Variants in TCF7L2 observed in about 807,000 individuals in gnomAD.
TCF7L2 encodes transcription factor 7-like 2.
TCF7L2 carries 23 observed loss-of-function variants against 77.9 expected under a neutral mutation model. The ratio of observed to expected loss-of-function variants is 0.30; its 90% CI spans 0.21 to 0.42. The LOEUF (loss-of-function observed/expected upper bound fraction) is 0.42, where lower values mean the gene tolerates loss of function less well. TCF7L2 is among the 10% of genes least tolerant of loss of function. TCF7L2 has a pLI of 1.00. For missense variants in TCF7L2, 654 were observed against 793.1 expected, an observed-to-expected ratio of 0.82 and a Z score of 2.11; for synonymous variants, 413 against 340.2, an observed-to-expected ratio of 1.21 and a Z score of -2.36.
intron 4 of TCF7L2, among the ~76,000 whole-genome samples, chr10:112,993,245 C>T (rs1039586382): frequency 2.6e-5 from 4 of 151,662 alleles, no homozygotes; most frequent in African/African-American, 9.7e-5. Context: ...GCCAGCAAGG[C>T]GCGGTGGCTC....
intron 4 of TCF7L2, among the ~76,000 whole-genome samples, chr10:112,993,188 G>A (rs780101464): frequency 1.9e-4 from 29 of 152,206 alleles, no homozygotes; most frequent in Non-Finnish European, 4.3e-4. Context: ...TCCAGGGGCA[G>A]GACCTGGAGA....
At position 112,965,629 on chromosome 10, in the gene TCF7L2, A is replaced by ATG. The variant is rs59587175; in HGVS notation, c.450+1052_450+1053dup. 7.4e-3 allele frequency among the ~76,000 whole-genome samples: 1,017 copies of ATG among 137,282 alleles called. 11 individuals are homozygous for ATG. Among genetic ancestry groups the ATG allele is most frequent in the East Asian group, 0.02 (55 of 2,718 alleles). 90.1% of individuals were successfully genotyped at this position (137,282 alleles called of 152,430 possible). ...AGATAACTTGTCTGTGTGTGTGTAT[A>ATG]TGTGTGTGTGTGTGTGTGTGTGTGT... is the stretch of plus-strand genomic sequence containing the variant. On this transcript the variant is annotated intron_variant, in intron 4 of 13. Coordinates refer to ENST00000627217, the MANE Select transcript of TCF7L2 (RefSeq NM_001146274.2).
intron 5 of TCF7L2, among the ~76,000 whole-genome samples, chr10:113,053,064 A>G (rs2054743961): frequency 6.6e-6 from 1 of 152,180 alleles, no homozygotes; most frequent in African/African-American, 2.4e-5. Flanking sequence ...CGTGGGACAC[A>G]GGCACAGCTC....
Position 113,138,676 on chromosome 10 carries a change from C to T in TCF7L2, c.553-2508C>T, listed in dbSNP as rs146206367. On this transcript the variant is annotated intron_variant, in intron 5 of 13. Coordinates refer to ENST00000627217, the MANE Select transcript of TCF7L2 (RefSeq NM_001146274.2). ...AACTTATCATGTGCTAGGTTCTGTG[C>T]TAAGCCTTTTCCTGGGTTCCTTAAG... is the stretch of plus-strand genomic sequence containing the variant. 3.1e-3 allele frequency among the ~76,000 whole-genome samples: 477 copies of T among 152,290 alleles called. 2 individuals are homozygous for T. The highest frequency in any genetic ancestry group is 0.011 in the African/African-American group (453 of 41,556).
intron 3 of TCF7L2, among the ~76,000 whole-genome samples, chr10:112,958,328 A>G (rs2034215706): frequency 6.6e-6 from 1 of 152,214 alleles, no homozygotes; most frequent in African/African-American, 2.4e-5. Flanking sequence ...ATGAAAATAA[A>G]TTTGAGGCCT....
chr10:113,033,632 A>G (rs1269115910), intron 4 of TCF7L2, among the ~76,000 whole-genome samples: 2 of 152,160 alleles, frequency 1.3e-5, no homozygotes, highest in East Asian at 1.9e-4. Flanking sequence ...TTCCTAGGTA[A>G]CTATAGTACA....
chr10:112,952,653 G>T (rs1320841427), intron 3 of TCF7L2, among the ~76,000 whole-genome samples: 1 of 152,206 alleles, frequency 6.6e-6, no homozygotes, highest in African/African-American at 2.4e-5. Flanking sequence ...AGGAGGTGCG[G>T]GGGCCGAGGG....
intron 4 of TCF7L2, among the ~76,000 whole-genome samples, chr10:113,021,021 T>G (rs2048189476): frequency 6.6e-6 from 1 of 152,194 alleles, no homozygotes; most frequent in South Asian, 2.1e-4. Context: ...GATCGTTCTC[T>G]TCTGTCTCTA....
At chr10:112,975,874 A>G (rs2135057329) in intron 4 of TCF7L2, among the ~76,000 whole-genome samples, 1 of 152,218 alleles carries the variant, frequency 6.6e-6, no homozygotes, top group East Asian at 1.9e-4. Context: ...ATATCTCTAG[A>G]CATTGCTGCA....
rs146221181 is a variant in TCF7L2, at chr10:113,066,427, G to A, written c.552+26301G>A. On this transcript the variant is annotated intron_variant, in intron 5 of 13. Transcript: ENST00000627217. ...AAATTTTCAGGGAGAAAAAGAGCAC[G>A]GCTCTCTTAACTGTATCTACTTACC... is the stretch of plus-strand genomic sequence containing the variant. Among the ~76,000 whole-genome samples the A allele has an allele frequency of 4.2e-3, 637 of 152,048 alleles. 3 individuals carry two copies. Among genetic ancestry groups the A allele is most frequent in the Non-Finnish European group, 5.0e-3 (337 of 68,004 alleles).
intron 8 of TCF7L2, 107 bp from the exon 9 acceptor site, chr10:113,150,891 T>C (rs2137118341): frequency 1.4e-6 from 2 of 1,479,408 alleles, no homozygotes; most frequent in Non-Finnish European, 1.8e-6. Context: ...GTTGCTTTCA[T>C]GTGAGTGTTA....
Position 113,110,434 on chromosome 10 carries a change from C to T in TCF7L2, c.553-30750C>T, listed in dbSNP as rs534498041. ...AGATTTTTCAGAAGCAGTGTTTTCA[C>T]ATGTAAATATCTGCAACAAACAGCA... On this transcript the variant is annotated intron_variant, in intron 5 of 13. Coordinates refer to ENST00000627217, the MANE Select transcript of TCF7L2 (RefSeq NM_001146274.2). Among the ~76,000 whole-genome samples, 6 of 137,076 alleles carry T rather than the reference C, an allele frequency of 4.4e-5. No individual in the cohort carries two copies. The South Asian group carries it at 1.0e-3, about 24-fold the overall frequency. 89.9% of individuals were successfully genotyped at this position (137,076 alleles called of 152,430 possible).
chr10:113,056,156 G>A (rs756014967), intron 5 of TCF7L2, among the ~76,000 whole-genome samples: 1 of 152,142 alleles, frequency 6.6e-6, no homozygotes, highest in Non-Finnish European at 1.5e-5. Context: ...TTTGCAACAG[G>A]CTCCTTGAAG....
chr10:112,984,433 C>T (rs975074827), intron 4 of TCF7L2, among the ~76,000 whole-genome samples: 1 of 152,142 alleles, frequency 6.6e-6, no homozygotes, highest in African/African-American at 2.4e-5. Context: ...GATGGCATGG[C>T]TTTTTAGCAA....
chr10:113,000,884 C>T (rs1234107946), intron 4 of TCF7L2, among the ~76,000 whole-genome samples: 3 of 152,210 alleles, frequency 2.0e-5, no homozygotes, highest in Admixed American at 2.0e-4. Context: ...ATTTCTTCTC[C>T]TCCAAACCCC....
intron 5 of TCF7L2, among the ~76,000 whole-genome samples, chr10:113,064,512 T>C (rs948636475): frequency 2.6e-5 from 4 of 152,240 alleles, no homozygotes; most frequent in African/African-American, 9.6e-5. Flanking sequence ...ATGGGTTATT[T>C]TGCCATAAAC....
At chr10:113,122,823 A>G (rs1018768432) in intron 5 of TCF7L2, among the ~76,000 whole-genome samples, 4 of 152,224 alleles carry the variant, frequency 2.6e-5, no homozygotes, top group African/African-American at 7.2e-5. Context: ...TGGGCCCGGT[A>G]TCCCTCCTTG....
At chr10:113,089,413 G>A (rs2060145952) in intron 5 of TCF7L2, 1 of 1,613,576 alleles carries the variant, frequency 6.2e-7, no homozygotes, top group Non-Finnish European at 8.5e-7. Context: ...CCCCTCCCTT[G>A]CTGCACTCAG....
chr10:113,105,162 G>A (rs758456087), intron 5 of TCF7L2, among the ~76,000 whole-genome samples: 3 of 152,182 alleles, frequency 2.0e-5, no homozygotes, highest in Non-Finnish European at 2.9e-5. Context: ...GACAGCTTGA[G>A]TCCATTTAGT....
Sources: allele counts gnomAD v4.1 joint callset (sites outside exome capture counted in the v4.1 genomes callset), GRCh38; gene constraint gnomAD v4.1.1; transcripts MANE v1.5; gene names NCBI Gene and HGNC (gene_info 2026-07-23, HGNC 2026-07-21).